ADGRL3: variants seen among roughly 807,000 people sequenced by gnomAD.
The protein encoded by ADGRL3 is calcium-independent alpha-latrotoxin receptor 3.
A neutral mutation model predicts 153.5 loss-of-function variants in ADGRL3; 62 were observed. The ratio of observed to expected loss-of-function variants is 0.40; its 90% CI spans 0.33 to 0.50. The LOEUF is 0.50. Ranked by LOEUF, ADGRL3 falls within the 20% of genes least tolerant of loss-of-function variation. The pLI is 0.47. For missense variants in ADGRL3, 1,641 were observed against 1,859.4 expected, an observed-to-expected ratio of 0.88 and a Z score of 2.16; for synonymous variants, 710 against 672.5, an observed-to-expected ratio of 1.06 and a Z score of -0.86.
At chr4:61,765,113 G>A (rs1303105098) in intron 8 of ADGRL3, among the ~76,000 whole-genome samples, 1 of 152,144 alleles carries the variant, frequency 6.6e-6, no homozygotes, top group Non-Finnish European at 1.5e-5. Flanking sequence ...CAAGAGTTAA[G>A]AGTGGCAGTT....
intron 2 of ADGRL3, among the ~76,000 whole-genome samples, chr4:61,425,917 G>T (rs960324874): frequency 6.6e-6 from 1 of 152,222 alleles, no homozygotes; most frequent in Non-Finnish European, 1.5e-5. Context: ...GTGCATTGAG[G>T]CAGGCAACAG....
At chr4:62,035,321 C>T (rs1724417121) in intron 23 of ADGRL3, among the ~76,000 whole-genome samples, 1 of 152,014 alleles carries the variant, frequency 6.6e-6, no homozygotes. Context: ...GTGGCTTAAA[C>T]AATATTGCTG....
chr4:61,930,682 G>A (rs1216272067), intron 13 of ADGRL3, among the ~76,000 whole-genome samples: 1 of 152,056 alleles, frequency 6.6e-6, no homozygotes, highest in Non-Finnish European at 1.5e-5. Context: ...ATGCAAATGT[G>A]TATCTAGTAG....
intron 1 of ADGRL3, among the ~76,000 whole-genome samples, chr4:61,315,360 G>A (rs2095169076): frequency 6.6e-6 from 1 of 152,148 alleles, no homozygotes; most frequent in Non-Finnish European, 1.5e-5. Context: ...GATTGATTGT[G>A]CTGTATAGGT....
At chr4:61,313,889 G>A (rs2095106519) in intron 1 of ADGRL3, among the ~76,000 whole-genome samples, 1 of 152,106 alleles carries the variant, frequency 6.6e-6, no homozygotes, top group Non-Finnish European at 1.5e-5. Flanking sequence ...ATCGCAGGGA[G>A]CACTCACAAC....
At chr4:61,230,346 T>A (rs1750066139) in intron 1 of ADGRL3, among the ~76,000 whole-genome samples, 1 of 152,164 alleles carries the variant, frequency 6.6e-6, no homozygotes. Context: ...GATGAAACAG[T>A]GCTTAGTAGA....
At chr4:61,535,618 A>C (rs766525548) in intron 4 of ADGRL3, among the ~76,000 whole-genome samples, 1 of 151,754 alleles carries the variant, frequency 6.6e-6, no homozygotes, top group Non-Finnish European at 1.5e-5. Context: ...TTTCATAACT[A>C]ATTATTGGCC....
chr4:61,834,013 G>T (rs576008749), intron 9 of ADGRL3, among the ~76,000 whole-genome samples: 1 of 144,068 alleles, frequency 6.9e-6, no homozygotes, highest in Non-Finnish European at 1.5e-5. Context: ...TGTGCACAAC[G>T]TGCAGGCTAG....
At chr4:61,220,083 G>T (rs1306035341) in intron 1 of ADGRL3, among the ~76,000 whole-genome samples, 1 of 145,162 alleles carries the variant, frequency 6.9e-6, no homozygotes. Context: ...TTGCACTCCA[G>T]CCTGGGCGAC....
At chr4:61,433,009 T>C (rs976556664) in intron 2 of ADGRL3, among the ~76,000 whole-genome samples, 2 of 152,032 alleles carry the variant, frequency 1.3e-5, no homozygotes, top group Admixed American at 1.3e-4. Flanking sequence ...CAAAGATGCA[T>C]AGAACAGAGA....
intron 1 of ADGRL3, among the ~76,000 whole-genome samples, chr4:61,300,700 G>A (rs1410070540): frequency 6.6e-6 from 1 of 151,486 alleles, no homozygotes; most frequent in Non-Finnish European, 1.5e-5. Context: ...GGACTAAGAT[G>A]TTTGAATCAT....
intron 1 of ADGRL3, among the ~76,000 whole-genome samples, chr4:61,253,718 T>C (rs199933762): frequency 4.0e-5 from 3 of 74,454 alleles, no homozygotes; most frequent in Non-Finnish European, 5.7e-5. Flanking sequence ...CACACATATA[T>C]ACATATATAT....
At chr4:61,466,049 G>T (rs187214087) in intron 2 of ADGRL3, among the ~76,000 whole-genome samples, 7 of 151,844 alleles carry the variant, frequency 4.6e-5, no homozygotes, top group Non-Finnish European at 8.8e-5. Context: ...TTGAACTCGG[G>T]AGGCGGATGT....
chr4:61,869,369 C>T (rs980459283), intron 9 of ADGRL3, among the ~76,000 whole-genome samples: 10 of 151,916 alleles, frequency 6.6e-5, no homozygotes, highest in African/African-American at 1.4e-4. Context: ...GAGGCCGAGG[C>T]GGGTGGATCA....
intron 8 of ADGRL3, among the ~76,000 whole-genome samples, chr4:61,737,463 G>C (rs114994586): frequency 1.3e-5 from 2 of 152,136 alleles, no homozygotes; most frequent in South Asian, 4.1e-4. Flanking sequence ...TTCTGAACAT[G>C]AGCTTGGGAG....
intron 5 of ADGRL3, among the ~76,000 whole-genome samples, chr4:61,620,905 C>G (rs2092461033): frequency 1.3e-5 from 2 of 152,018 alleles, no homozygotes; most frequent in African/African-American, 2.4e-5. Context: ...TCCCAAAGTG[C>G]TGAGATTACA....
chr4:61,927,867 A>G (rs1247026070), intron 13 of ADGRL3, among the ~76,000 whole-genome samples: 1 of 151,988 alleles, frequency 6.6e-6, no homozygotes, highest in Admixed American at 6.6e-5. Flanking sequence ...ATTATTTCAA[A>G]TTATAAATCA....
chr4:61,881,481 C>A (rs2098508107), intron 9 of ADGRL3, among the ~76,000 whole-genome samples: 1 of 152,196 alleles, frequency 6.6e-6, no homozygotes, highest in African/African-American at 2.4e-5. Context: ...CAGGCTCAAG[C>A]AATTCTCCTG....
At chr4:61,861,103 G>T (rs1561375092) in intron 9 of ADGRL3, among the ~76,000 whole-genome samples, 1 of 152,164 alleles carries the variant, frequency 6.6e-6, no homozygotes, top group Non-Finnish European at 1.5e-5. Context: ...GAGCAATTGT[G>T]TCCACTTGTT....
Sources: allele counts gnomAD v4.1 joint callset (sites outside exome capture counted in the v4.1 genomes callset), GRCh38; gene constraint gnomAD v4.1.1; transcripts MANE v1.5; gene names NCBI Gene and HGNC (gene_info 2026-07-23, HGNC 2026-07-21).